The following GSTCD variants were observed in gnomAD, a reference collection of about 807,000 sequenced individuals.
The protein encoded by GSTCD is glutathione S-transferase C-terminal domain containing.
Under a neutral mutation model 68.3 loss-of-function variants are expected in GSTCD, and 44 were observed. The ratio of observed to expected loss-of-function variants is 0.64; its 90% CI spans 0.51 to 0.83. GSTCD has a LOEUF of 0.83. GSTCD is among the 40% of genes least tolerant of loss of function. The probability of loss-of-function intolerance (pLI) is 0.00; values close to 1 mark genes in which losing one functional copy is unlikely to be tolerated. For missense variants in GSTCD, 739 were observed against 735.9 expected, an observed-to-expected ratio of 1.00 and a Z score of -0.05; for synonymous variants, 273 against 255.2, an observed-to-expected ratio of 1.07 and a Z score of -0.67.
At chr4:105,837,989 T>C in intron 10 of GSTCD, 100 bp downstream of exon 10, 4 of 460,274 alleles carry the variant, frequency 8.7e-6, no homozygotes, top group Non-Finnish European at 1.5e-5. Flanking sequence ...ATAGTTATAA[T>C]TGAATAACTC....
intron 5 of GSTCD, among the ~76,000 whole-genome samples, chr4:105,763,907 G>A (rs1384279269): frequency 6.6e-6 from 1 of 151,826 alleles, no homozygotes; most frequent in Non-Finnish European, 1.5e-5. Context: ...AATTTGAAGG[G>A]TCACTTCTAA....
intron 5 of GSTCD, among the ~76,000 whole-genome samples, chr4:105,798,055 A>G (rs964953160): frequency 1.3e-5 from 2 of 152,110 alleles, no homozygotes; most frequent in African/African-American, 2.4e-5. Flanking sequence ...CAATGTTTAT[A>G]TAGTGTTCTA....
chr4:105,835,089 A>G (rs1228001471), intron 9 of GSTCD, among the ~76,000 whole-genome samples: 2 of 152,222 alleles, frequency 1.3e-5, no homozygotes, highest in Non-Finnish European at 2.9e-5. Context: ...AAATTTAATG[A>G]TATGTGTAAA....
At chr4:105,731,681 A>G (rs1468307008) in intron 5 of GSTCD, among the ~76,000 whole-genome samples, 1 of 151,486 alleles carries the variant, frequency 6.6e-6, no homozygotes, top group African/African-American at 2.4e-5. Flanking sequence ...AAACAGGGAC[A>G]ATTTCTTTCT....
intron 7 of GSTCD, among the ~76,000 whole-genome samples, chr4:105,825,088 C>CTTGGTTGGTTGA: frequency 6.6e-6 from 1 of 150,794 alleles, no homozygotes; most frequent in South Asian, 2.1e-4. Context: ...TTTTTGTTTG[C>CTTGGTTGGTTGA]TTGGTTGGTT....
intron 5 of GSTCD, among the ~76,000 whole-genome samples, chr4:105,744,015 T>C (rs969936461): frequency 1.3e-5 from 2 of 152,204 alleles, no homozygotes; most frequent in African/African-American, 4.8e-5. Context: ...GATATTTAAT[T>C]TAGTACACAT....
chr4:105,824,137 GAAA>G (rs1000777836), intron 7 of GSTCD, among the ~76,000 whole-genome samples: 13 of 150,756 alleles, frequency 8.6e-5, no homozygotes, highest in African/African-American at 2.7e-4. Flanking sequence ...ACTTGCGGAA[GAAA>G]AAAAAATGTG....
intron 5 of GSTCD, among the ~76,000 whole-genome samples, chr4:105,801,291 ATGCAAC>A (rs1287258839): frequency 1.3e-5 from 2 of 152,282 alleles, no homozygotes; most frequent in African/African-American, 4.8e-5. Flanking sequence ...ATTACTACAA[ATGCAAC>A]TCAAGAATGG....
At chr4:105,737,568 G>T (rs1240583689) in intron 5 of GSTCD, among the ~76,000 whole-genome samples, 1 of 152,168 alleles carries the variant, frequency 6.6e-6, no homozygotes, top group Non-Finnish European at 1.5e-5. Context: ...CCAATGTCTA[G>T]AAGCATTCTC....
At chr4:105,816,286 T>C (rs1278574044) in intron 5 of GSTCD, among the ~76,000 whole-genome samples, 1 of 152,144 alleles carries the variant, frequency 6.6e-6, no homozygotes, top group Non-Finnish European at 1.5e-5. Context: ...ATCTTCCCAA[T>C]CTATTTTCAT....
At chr4:105,841,652 A>G (rs1480085489) in intron 10 of GSTCD, among the ~76,000 whole-genome samples, 1 of 147,674 alleles carries the variant, frequency 6.8e-6, no homozygotes, top group African/African-American at 2.5e-5. Flanking sequence ...CCTGGCCAAC[A>G]TGGTGAAACC....
chr4:105,770,569 G>A (rs1734806473), intron 5 of GSTCD, among the ~76,000 whole-genome samples: 1 of 151,974 alleles, frequency 6.6e-6, no homozygotes, highest in Non-Finnish European at 1.5e-5. Flanking sequence ...TCCCCTCCCT[G>A]TGTCCATGTG....
intron 5 of GSTCD, among the ~76,000 whole-genome samples, chr4:105,775,103 A>G (rs569902892): frequency 6.6e-6 from 1 of 151,922 alleles, no homozygotes; most frequent in African/African-American, 2.4e-5. Flanking sequence ...ATTTCATTAC[A>G]TTGATCGTCA....
chr4:105,829,202 A>G (rs1415100426), intron 8 of GSTCD, among the ~76,000 whole-genome samples: 1 of 151,570 alleles, frequency 6.6e-6, no homozygotes, highest in African/African-American at 2.4e-5. Context: ...AAAAAAAAAA[A>G]AAAAAGAAAG....
At chr4:105,743,430 A>G (rs1320479364) in intron 5 of GSTCD, among the ~76,000 whole-genome samples, 3 of 152,074 alleles carry the variant, frequency 2.0e-5, no homozygotes, top group African/African-American at 7.2e-5. Context: ...TCCTTTATTT[A>G]AACTTCCCAA....
At chr4:105,781,760 T>C (rs1735280660) in intron 5 of GSTCD, among the ~76,000 whole-genome samples, 1 of 151,998 alleles carries the variant, frequency 6.6e-6, no homozygotes, top group Non-Finnish European at 1.5e-5. Context: ...TTTGCACTTA[T>C]AATTCTGTAT....
chr4:105,726,901 G>A (rs1195940815), intron 4 of GSTCD, 71 bp downstream of exon 4: 14 of 1,178,224 alleles, frequency 1.2e-5, no homozygotes, highest in Non-Finnish European at 1.7e-5. Flanking sequence ...ACTCCAACTT[G>A]TAATCATTTG....
intron 5 of GSTCD, among the ~76,000 whole-genome samples, chr4:105,768,816 C>T (rs1734720180): frequency 6.6e-6 from 1 of 151,314 alleles, no homozygotes; most frequent in South Asian, 2.1e-4. Flanking sequence ...GAAAATTATT[C>T]AGGATTTATA....
chr4:105,763,771 T>C lies in GSTCD; in HGVS notation c.1240+34272T>C, dbSNP rs139818572. ...AGTTTGGAATCAAATTTGTACTCTT[T>C]TGAGTTTTCTGAACACGTTTCTCTC... On this transcript the variant is annotated intron_variant, in intron 5 of 11. Transcript: ENST00000515279. Among the ~76,000 whole-genome samples, 1,126 of 152,312 alleles carry C rather than the reference T, an allele frequency of 7.4e-3. 5 individuals carry two copies. The highest frequency in any genetic ancestry group is 0.031 in the Middle Eastern group (9 of 294).
Sources: allele counts gnomAD v4.1 joint callset (sites outside exome capture counted in the v4.1 genomes callset), GRCh38; gene constraint gnomAD v4.1.1; transcripts MANE v1.5; gene names NCBI Gene and HGNC (gene_info 2026-07-23, HGNC 2026-07-21).